Variants in ATP11C observed in about 807,000 individuals in gnomAD.
The protein encoded by ATP11C is ATPase phospholipid transporting 11C (ATP11C blood group), also known as phospholipid-transporting ATPase IG.
A neutral mutation model predicts 97.4 loss-of-function variants in ATP11C; 36 were observed. The observed-to-expected ratio is 0.37, with a 90% confidence interval of 0.28 to 0.49. The LOEUF (loss-of-function observed/expected upper bound fraction) is 0.49, where lower values mean the gene tolerates loss of function less well. Among genes scored for constraint, ATP11C ranks in the 20% least tolerant of loss-of-function variants. The pLI, the probability that ATP11C is intolerant of heterozygous loss-of-function variation, is 0.98. For missense variants in ATP11C, 730 were observed against 824.6 expected (o/e 0.89, Z 1.40); for synonymous variants, 275 against 290.9 (o/e 0.95, Z 0.56).
chrX:139,847,578 C>T (rs1224171206), intron 1 of ATP11C, among the ~76,000 whole-genome samples: 1 of 110,061 alleles, frequency 9.1e-6, no homozygotes, highest in Non-Finnish European at 1.9e-5. Flanking sequence ...TGGCTCACGC[C>T]TGTAATCCCA....
chrX:139,793,298 G>C (rs2082731091), intron 12 of ATP11C, among the ~76,000 whole-genome samples: 1 of 111,743 alleles, frequency 8.9e-6, no homozygotes, highest in African/African-American at 3.3e-5. Flanking sequence ...GAACAGAAAT[G>C]TAATCTCATT....
rs1406763822 is a variant in ATP11C at position 139,728,799 on chromosome X, A to G, written c.*167T>C. On this transcript the variant is annotated 3_prime_UTR_variant, in exon 30 of 30. Coordinates refer to ENST00000682941, the MANE Select transcript of ATP11C (RefSeq NM_001353812.2). ...AGAGAATCATTTGGTATTTTAATGA[A>G]CATTTATTGTGAACTCTAGACATGA... 39 of 579,818 alleles carry G rather than the reference A, an allele frequency of 6.7e-5. No homozygotes were observed. Among genetic ancestry groups the G allele is most frequent in the Non-Finnish European group, 9.0e-5 (33 of 366,442 alleles). 47.8% of individuals were successfully genotyped at this position (579,818 alleles called of 1,213,427 possible).
chrX:139,926,551 T>C (rs2085354640), intron 1 of ATP11C, among the ~76,000 whole-genome samples: 1 of 111,847 alleles, frequency 8.9e-6, no homozygotes, highest in Non-Finnish European at 1.9e-5. Flanking sequence ...TGGCAGCTTT[T>C]TGAAAAAACA....
chrX:139,822,087 A>C (rs993729003), intron 2 of ATP11C, among the ~76,000 whole-genome samples: 4 of 111,125 alleles, frequency 3.6e-5, no homozygotes, highest in African/African-American at 1.3e-4. Flanking sequence ...CTCTATGGCA[A>C]AAAAAAAAGT....
intron 17 of ATP11C, 104 bp from the exon 18 acceptor site, chrX:139,782,832 TTC>T: frequency 1.8e-6 from 1 of 563,621 alleles, no homozygotes; most frequent in South Asian, 4.0e-5. Flanking sequence ...ACAAGAGAAA[TTC>T]TGACACATAT....
At chrX:139,807,934 AG>A (rs1447697585) in intron 5 of ATP11C, among the ~76,000 whole-genome samples, 2 of 106,285 alleles carry the variant, frequency 1.9e-5, no homozygotes, top group Admixed American at 2.0e-4. Flanking sequence ...CCTGGGCAAC[AG>A]AGTAAGACCC....
At chrX:139,905,289 A>T (rs969033308) in intron 1 of ATP11C, among the ~76,000 whole-genome samples, 12 of 112,249 alleles carry the variant, frequency 1.1e-4, no homozygotes, top group Non-Finnish European at 2.3e-4. Flanking sequence ...CCCTTTTCCA[A>T]GAATGGAAAA....
At chrX:139,785,403 C>T (rs1429371954) in intron 15 of ATP11C, 104 bp from the exon 16 acceptor site, 1 of 567,662 alleles carries the variant, frequency 1.8e-6, no homozygotes, top group Admixed American at 3.4e-5. Context: ...CAACAGATAG[C>T]ACTGGTTGTG....
At chrX:139,740,067 T>A (rs992397097) in intron 27 of ATP11C, among the ~76,000 whole-genome samples, 18 of 111,534 alleles carry the variant, frequency 1.6e-4, no homozygotes, top group Non-Finnish European at 2.3e-4. Context: ...AACATAAGCC[T>A]CACATCTCTG....
At chrX:139,843,707 A>C (rs900196175) in intron 1 of ATP11C, among the ~76,000 whole-genome samples, 2 of 111,502 alleles carry the variant, frequency 1.8e-5, no homozygotes, top group African/African-American at 6.5e-5. Flanking sequence ...TTAGTTATGT[A>C]ACCTGGGGCA....
intron 23 of ATP11C, among the ~76,000 whole-genome samples, chrX:139,751,559 TA>T (rs2081816054): frequency 8.9e-6 from 1 of 112,108 alleles, no homozygotes; most frequent in Non-Finnish European, 1.9e-5. Flanking sequence ...TGAGTAAATT[TA>T]AAAAATACAA....
At chrX:139,738,093 A>G (rs768185582) in intron 27 of ATP11C, 24 bp from the exon 28 acceptor site, 1 of 1,144,744 alleles carries the variant, frequency 8.7e-7, no homozygotes. Flanking sequence ...AAAATACATG[A>G]TGGAAAAACA....
At chrX:139,926,269 C>A (rs1314429005) in intron 1 of ATP11C, among the ~76,000 whole-genome samples, 1 of 111,505 alleles carries the variant, frequency 9.0e-6, no homozygotes, top group African/African-American at 3.3e-5. Context: ...TAAAGCACTA[C>A]AGATGTACAG....
chrX:139,736,881 A>T (rs981746874), intron 28 of ATP11C, among the ~76,000 whole-genome samples: 4 of 111,392 alleles, frequency 3.6e-5, no homozygotes, highest in African/African-American at 1.3e-4. Context: ...CTCTTTTACA[A>T]TTCTAATCAC....
rs1163122291 is a variant in ATP11C at position 139,818,390 on chromosome X, T to C, written c.237+948A>G. On this transcript the variant is annotated intron_variant, in intron 3 of 29. Coordinates refer to ENST00000682941, the MANE Select transcript of ATP11C (RefSeq NM_001353812.2). ...GTCCTACTGCACAGCACATAGTAGG[T>C]AGGTGAGTGGTATACATTTGCTGAA... Among the ~76,000 whole-genome samples the C allele has an allele frequency of 2.7e-5, 3 of 111,773 alleles. No homozygotes were observed. The South Asian group carries it at 1.1e-3, about 42-fold the overall frequency.
At chrX:139,919,492 CA>C (rs1214834526) in intron 1 of ATP11C, among the ~76,000 whole-genome samples, 1 of 99,692 alleles carries the variant, frequency 1.0e-5, no homozygotes, top group South Asian at 4.5e-4. Flanking sequence ...CACACACACA[CA>C]AACTACTTAT....
At chrX:139,882,944 C>G (rs766835576) in intron 1 of ATP11C, among the ~76,000 whole-genome samples, 6 of 111,072 alleles carry the variant, frequency 5.4e-5, no homozygotes, top group Non-Finnish European at 1.1e-4. Context: ...CAGTGGAGGC[C>G]TTGTATGTCC....
At chrX:139,925,673 A>G (rs1051358468) in intron 1 of ATP11C, among the ~76,000 whole-genome samples, 1 of 112,072 alleles carries the variant, frequency 8.9e-6, no homozygotes, top group Non-Finnish European at 1.9e-5. Context: ...GTAAAGAGAA[A>G]GGGACTAGGA....
At chrX:139,892,403 AAGC>A (rs1466059946) in intron 1 of ATP11C, among the ~76,000 whole-genome samples, 1 of 111,514 alleles carries the variant, frequency 9.0e-6, no homozygotes, top group Non-Finnish European at 1.9e-5. Flanking sequence ...AGCAAGGTAA[AAGC>A]AGACAGAATA....
Sources: allele counts gnomAD v4.1 joint callset (sites outside exome capture counted in the v4.1 genomes callset), GRCh38; gene constraint gnomAD v4.1.1; transcripts MANE v1.5; gene names NCBI Gene and HGNC (gene_info 2026-07-23, HGNC 2026-07-21).